The following GINS3 variants were observed in gnomAD, a reference collection of about 807,000 sequenced individuals.
GINS3 encodes DNA replication complex GINS protein PSF3.
A neutral mutation model predicts 20.0 loss-of-function variants in GINS3; 18 were observed. The ratio of observed to expected loss-of-function variants is 0.90; its 90% CI spans 0.62 to 1.33. GINS3 has a LOEUF of 1.33. GINS3 is among the 40% of genes most tolerant of loss of function. The pLI, the probability that GINS3 is intolerant of heterozygous loss-of-function variation, is 0.00. For synonymous variants in GINS3, 109 were observed against 107.0 expected, an observed-to-expected ratio of 1.02 and a Z score of -0.12; for missense variants, 254 against 273.6, an observed-to-expected ratio of 0.93 and a Z score of 0.51.
chr16:58,399,951 T>C (rs2151494040), intron 1 of GINS3, among the ~76,000 whole-genome samples: 1 of 152,344 alleles, frequency 6.6e-6, no homozygotes, highest in African/African-American at 2.4e-5. Context: ...TGAAAACCCC[T>C]GTAAAACATT....
Position 58,404,798 on chromosome 16 carries a change from G to C in GINS3, c.*69G>C. The stretch of plus-strand genomic sequence containing the variant: ...CGTGTGTCCTTGATAGGAGCTGGTT[G>C]ACCTTGTACAGAACCAGAATCCTGT... On this transcript the variant is annotated 3_prime_UTR_variant, in exon 3 of 3. Coordinates refer to ENST00000318129, the MANE Select transcript of GINS3 (RefSeq NM_022770.4). The C allele has an allele frequency of 9.0e-7, 1 of 1,106,284 alleles. No individual in the cohort carries two copies. Among genetic ancestry groups the C allele is most frequent in the Non-Finnish European group, 1.3e-6 (1 of 745,828 alleles). The allele number at this position is 1,106,284 out of a possible 1,614,324, so 68.5% of individuals were successfully genotyped here. A position where few individuals can be genotyped will look rare whatever the true frequency, so the allele number is the denominator to read the frequency against.
Position 58,392,700 on chromosome 16 carries a change from G to A in GINS3, c.99G>A (p.Pro33=). ...TCCTGATGTCCCACGAGAAGCTGCCGGTGCGCACGGAGACCGCCATGCCTC... is the reference window on the plus strand; with the variant it reads ...TCCTGATGTCCCACGAGAAGCTGCCAGTGCGCACGGAGACCGCCATGCCTC... ...DDILMSHEKL[P]VRTETAMPRL... The change falls in exon 1 of 3, where the codon CCG becomes CCA. Residue 33 remains proline, a synonymous_variant. Transcript: ENST00000318129. The A allele has an allele frequency of 6.2e-7, 1 of 1,614,238 alleles. No homozygotes were observed. Among genetic ancestry groups the A allele is most frequent in the Non-Finnish European group, 8.5e-7 (1 of 1,180,042 alleles).
chr16:58,397,589 G>A (rs1279104667), intron 1 of GINS3, among the ~76,000 whole-genome samples: 5 of 152,134 alleles, frequency 3.3e-5, no homozygotes, highest in African/African-American at 4.8e-5. Context: ...CGGATCACTC[G>A]CGGTTAGGAG....
intron 1 of GINS3, among the ~76,000 whole-genome samples, chr16:58,397,519 T>C (rs1965894638): frequency 6.6e-6 from 1 of 152,054 alleles, no homozygotes; most frequent in Non-Finnish European, 1.5e-5. Flanking sequence ...TGGGCACCAT[T>C]GAGCACTGAG....
rs1019045845 is a variant in GINS3 at position 58,404,784 on chromosome 16, G to C, written c.*55G>C. ...CAGACGTATCCCTCCGTGTGTCCTT[G>C]ATAGGAGCTGGTTGACCTTGTACAG... On this transcript the variant is annotated 3_prime_UTR_variant, in exon 3 of 3. Transcript: ENST00000318129. 58 of 1,268,630 alleles carry C rather than the reference G, an allele frequency of 4.6e-5. No homozygotes were observed. In the African/African-American group the frequency reaches 5.3e-4, roughly 12 times the overall value. 78.6% of individuals were successfully genotyped at this position (1,268,630 alleles called of 1,614,324 possible).
In GINS3 at chr16:58,403,188, C is replaced by G; in HGVS notation, c.277C>G (p.Gln93Glu). 6.2e-7 allele frequency: 1 copy of G among 1,614,120 alleles called. No homozygotes were observed. Among genetic ancestry groups the G allele is most frequent in the Admixed American group, 1.7e-5 (1 of 60,004 alleles). ...TTCTGTGGAACTCCCCAAGATCTAC[C>G]AAGAGGGTTGGAGGACTGTGTTCAG... ...ILSVELPKIYQEGWRTVFSAD... is the reference protein window; with the variant it reads ...ILSVELPKIYEEGWRTVFSAD... Residue 93 changes from glutamine (Q) to glutamate (E), a missense_variant, in exon 2 of 3, where the codon CAA becomes GAA. Gln to Glu is a conservative substitution (Grantham distance 29). Coordinates refer to ENST00000318129, the MANE Select transcript of GINS3 (RefSeq NM_022770.4).
chr16:58,395,919 T>C (rs76860636), intron 1 of GINS3, among the ~76,000 whole-genome samples: 5,387 of 132,438 alleles, frequency 0.041, 143 homozygotes, highest in African/African-American at 0.095. Flanking sequence ...CGGGCAGAGG[T>C]GCCCCTCACC....
chr16:58,394,819 T>A (rs1965827462), intron 1 of GINS3, among the ~76,000 whole-genome samples: 6 of 152,148 alleles, frequency 3.9e-5, no homozygotes, highest in Admixed American at 3.9e-4. Context: ...GTTCATTAGG[T>A]TTCTCCACCT....
In GINS3 at chr16:58,399,857, A is replaced by G. The variant is rs1183242060; in HGVS notation, c.187-3241A>G. 2.6e-5 allele frequency among the ~76,000 whole-genome samples: 4 copies of G among 152,304 alleles called. No homozygotes were observed. In the East Asian group the frequency reaches 7.7e-4, roughly 29 times the overall value. On this transcript the variant is annotated intron_variant, in intron 1 of 2. Coordinates refer to ENST00000318129, the MANE Select transcript of GINS3 (RefSeq NM_022770.4). ...TGTTATATAAGTTACTACTTTCACCACTTCACAGAAATGACTAGAATCTTA... is the reference window on the plus strand; with the variant it reads ...TGTTATATAAGTTACTACTTTCACCGCTTCACAGAAATGACTAGAATCTTA...
chr16:58,399,132 A>G (rs1314978299), intron 1 of GINS3, among the ~76,000 whole-genome samples: 1 of 151,950 alleles, frequency 6.6e-6, no homozygotes, highest in East Asian at 1.9e-4. Context: ...TAAGCAACAT[A>G]GCAAGACCCT....
rs766512580 is a variant in GINS3, at chr16:58,392,770, GAC to G, written c.171_172del (p.Asp57GlufsTer10). The G allele has an allele frequency of 2.5e-5, 41 of 1,609,390 alleles. No homozygotes were observed. Among genetic ancestry groups the G allele is most frequent in the Non-Finnish European group, 3.5e-5 (41 of 1,178,820 alleles). On this transcript the variant is annotated frameshift_variant, in exon 1 of 3. Coordinates refer to ENST00000318129, the MANE Select transcript of GINS3 (RefSeq NM_022770.4). LOFTEE classifies it high-confidence loss of function. ...FLERSAGAET[D>X]NAVPQGSKLE... ...GGAGCGGAGCGCAGGCGCCGAGACT[GAC>G]AACGCGGTCCCACAGGTGAGCCTTT...
chr16:58,393,828 C>CAAAAA (rs746322212), intron 1 of GINS3, among the ~76,000 whole-genome samples: 1 of 55,398 alleles, frequency 1.8e-5, no homozygotes, highest in Non-Finnish European at 3.9e-5. Flanking sequence ...GACTCCATCT[C>CAAAAA]AAAAAAAAAA....
At chr16:58,403,371 C>G in intron 2 of GINS3, 40 bp downstream of exon 2, 7 of 1,491,580 alleles carry the variant, frequency 4.7e-6, no homozygotes, top group African/African-American at 1.4e-5. Flanking sequence ...CTGCACTTGT[C>G]TCAAGAGCCA....
At chr16:58,396,854 T>C (rs1596956967) in intron 1 of GINS3, among the ~76,000 whole-genome samples, 1 of 107,640 alleles carries the variant, frequency 9.3e-6, no homozygotes, top group African/African-American at 3.8e-5. Flanking sequence ...GAGGCGCCCC[T>C]CACCTCCCGG....
chr16:58,392,654 A>C lies in GINS3; in HGVS notation c.53A>C (p.Asn18Thr). Residue 18 changes from asparagine (N) to threonine (T), a missense_variant, in exon 1 of 3, where the codon AAC becomes ACC. By Grantham distance (65) the Asn-to-Thr change is moderately conservative. Transcript: ENST00000318129. ...TCGGGTGCGCTGGGGCCTGAGGAGAACTTTCTTTCTTTGGACGACATCCTG... is the reference window on the plus strand; with the variant it reads ...TCGGGTGCGCTGGGGCCTGAGGAGACCTTTCTTTCTTTGGACGACATCCTG... ...VESGALGPEE[N>T]FLSLDDILMS... The C allele has an allele frequency of 6.2e-7, 1 of 1,614,202 alleles. No homozygotes were observed. The highest frequency in any genetic ancestry group is 1.1e-5 in the South Asian group (1 of 91,082).
At chr16:58,402,976 T>C in intron 1 of GINS3, 122 bp from the exon 2 acceptor site, 2 of 736,890 alleles carry the variant, frequency 2.7e-6, no homozygotes, top group East Asian at 5.3e-5. Context: ...CTTCTGTGCT[T>C]GACAGCCACT....
chr16:58,402,439 C>T (rs62042606), intron 1 of GINS3, among the ~76,000 whole-genome samples: 1,985 of 152,274 alleles, frequency 0.013, 10 homozygotes, highest in Non-Finnish European at 0.021. Context: ...AAAGCTGCTC[C>T]CATCTTTTTG....
At chr16:58,397,613 C>T (rs1001765003) in intron 1 of GINS3, among the ~76,000 whole-genome samples, 7 of 152,074 alleles carry the variant, frequency 4.6e-5, no homozygotes, top group Non-Finnish European at 8.8e-5. Flanking sequence ...GAGACCAGCC[C>T]GGCCAACACA....
At chr16:58,399,108 G>A (rs1331559606) in intron 1 of GINS3, among the ~76,000 whole-genome samples, 1 of 151,858 alleles carries the variant, frequency 6.6e-6, no homozygotes, top group African/African-American at 2.4e-5. Flanking sequence ...GAGGCCAGGA[G>A]TTTGAGATCA....
Sources: gnomAD v4.1 joint callset for allele counts (sites outside exome capture counted in the v4.1 genomes callset) on GRCh38, gnomAD v4.1.1 for gene constraint, MANE v1.5 for transcripts, NCBI Gene and HGNC (gene_info 2026-07-23, HGNC 2026-07-21) for gene names.